Variants in RNMT observed in about 807,000 individuals in gnomAD.
RNMT encodes mRNA cap guanine-N(7) methyltransferase.
Under a neutral mutation model 56.0 loss-of-function variants are expected in RNMT, and 27 were observed. The ratio of observed to expected loss-of-function variants is 0.48; its 90% confidence interval spans 0.36 to 0.67. The LOEUF (loss-of-function observed/expected upper bound fraction) is 0.67. RNMT is among the 30% of genes least tolerant of loss of function. The pLI is 0.00. For synonymous variants in RNMT, 184 were observed against 176.2 expected, an observed-to-expected ratio of 1.04 and a Z score of -0.35; for missense variants, 519 against 552.1, an observed-to-expected ratio of 0.94 and a Z score of 0.60.
chr18:13,757,361 A>G (rs1389305027), intron 11 of RNMT, among the ~76,000 whole-genome samples: 1 of 152,172 alleles, frequency 6.6e-6, no homozygotes, highest in Non-Finnish European at 1.5e-5. Flanking sequence ...GCTGTTTGAT[A>G]GCGTTTTACC....
chr18:13,738,893 CG>C (rs550028714), intron 5 of RNMT, among the ~76,000 whole-genome samples: 9 of 152,088 alleles, frequency 5.9e-5, no homozygotes, highest in Admixed American at 2.0e-4. Context: ...TCCACAGAAG[CG>C]GGGGGATGGA....
Position 13,734,484 on chromosome 18 carries a change from C to G in RNMT, c.438C>G (p.Ser146Arg). Residue 146 changes from serine to arginine, a missense_variant, in exon 4 of 12, where the codon AGC becomes AGG. Physicochemically the swap from Ser to Arg is moderately radical, Grantham distance 110. Coordinates refer to ENST00000383314, the MANE Select transcript of RNMT (RefSeq NM_003799.3). Reference protein sequence around the residue: ...EKQKNLEEGHSSTVAAHYNEL... With the variant: ...EKQKNLEEGHRSTVAAHYNEL... Reference sequence around the variant, plus strand: ...TTCAGAATCTGGAAGAAGGACACAGCTCAACAGTGGCTGCCCATTACAATG... The same window carrying G: ...TTCAGAATCTGGAAGAAGGACACAGGTCAACAGTGGCTGCCCATTACAATG... 6.2e-7 allele frequency: 1 copy of G among 1,612,582 alleles called. No homozygotes were observed. Among genetic ancestry groups the G allele is most frequent in the Non-Finnish European group, 8.5e-7 (1 of 1,179,466 alleles).
At position 13,731,686 on chromosome 18, in the gene RNMT, A is replaced by G. The variant is rs747492929; in HGVS notation, c.169A>G (p.Arg57Gly). ...TGTCTGTAGGCAAGTAGACATAGCA[A>G]GAAAGAGAAAAGAGTTTGAAGATGA... ...TSVCRQVDIA[R>G]KRKEFEDDLV... is the part of the protein sequence containing the mutation. The change falls in exon 3 of 12, where the codon AGA (arginine) becomes GGA (glycine). Residue 57 changes from arginine (R) to glycine (G), a missense_variant. Transcript: ENST00000383314. The G allele has an allele frequency of 1.2e-5, 19 of 1,613,934 alleles. No individual in the cohort carries two copies. The highest frequency in any genetic ancestry group is 1.7e-5 in the Admixed American group (1 of 59,970).
chr18:13,731,655 G>A lies in RNMT; in HGVS notation c.138G>A (p.Lys46=), dbSNP rs1478308874. ...TTASGTGLSE[K]TSVCRQVDIA... is the part of the protein sequence containing the mutation. The stretch of plus-strand genomic sequence containing the variant: ...CTTCTGGGACTGGGCTTTCTGAAAA[G>A]ACTTCTGTCTGTAGGCAAGTAGACA... The change falls in exon 3 of 12, where the codon AAG becomes AAA. Residue 46 remains lysine (K), a synonymous_variant. Transcript: ENST00000383314. 1.9e-6 allele frequency: 3 copies of A among 1,613,980 alleles called. No individual in the cohort carries two copies. In the African/African-American group the frequency reaches 4.0e-5, roughly 22 times the overall value.
rs1398550073 is a variant in RNMT, at chr18:13,741,535, A to G, written c.818A>G (p.Asp273Gly). ...SKELLIDKFR[D>G]PQMCFDICSC... ...GAACTTCTGATTGACAAATTTCGTG[A>G]CCCACAAATGTGTTTTGACATCTGC... The change falls in exon 7 of 12, where the codon GAC (aspartate) becomes GGC (glycine). Residue 273 changes from aspartate to glycine, a missense_variant. Physicochemically the swap from Asp to Gly is moderately conservative, Grantham distance 94 (BLOSUM62 -1). Transcript: ENST00000383314. The G allele has an allele frequency of 1.9e-6, 3 of 1,611,732 alleles. No individual in the cohort carries two copies. Among genetic ancestry groups the G allele is most frequent in the Non-Finnish European group, 2.5e-6 (3 of 1,179,128 alleles).
At chr18:13,752,200 G>T in intron 9 of RNMT, 126 bp from the exon 10 acceptor site, 2 of 620,552 alleles carry the variant, frequency 3.2e-6, no homozygotes, top group South Asian at 4.5e-5. Context: ...AGTATGTATA[G>T]TTTGTATTCC....
rs2044637166 is a variant in RNMT at position 13,762,872 on chromosome 18, TTTGGCTAC to T, written c.*2897_*2904del. 1 of 314,492 alleles carries T rather than the reference TTTGGCTAC, an allele frequency of 3.2e-6. No homozygotes were observed. Among genetic ancestry groups the T allele is most frequent in the Non-Finnish European group, 6.4e-6 (1 of 156,254 alleles). 19.5% of individuals were successfully genotyped at this position (314,492 alleles called of 1,614,324 possible). A position where few individuals can be genotyped will look rare whatever the true frequency, so the allele number is the denominator to read the frequency against. The stretch of plus-strand genomic sequence containing the variant: ...TCTTCAAGTATCTTTGTAATGAAGG[TTTGGCTAC>T]TTGTATAGGTCTGCCTGCAGGGTGA... On this transcript the variant is annotated 3_prime_UTR_variant, in exon 12 of 12. Coordinates refer to ENST00000383314, the MANE Select transcript of RNMT (RefSeq NM_003799.3).
chr18:13,758,882 T>C (rs1392536661), intron 11 of RNMT, among the ~76,000 whole-genome samples: 1 of 152,104 alleles, frequency 6.6e-6, no homozygotes, highest in African/African-American at 2.4e-5. Context: ...GAGACCATTG[T>C]AGGATTATTA....
At chr18:13,744,291 G>A (rs962570008) in intron 8 of RNMT, among the ~76,000 whole-genome samples, 1 of 150,780 alleles carries the variant, frequency 6.6e-6, no homozygotes, top group Non-Finnish European at 1.5e-5. Flanking sequence ...ATCTGAAAAT[G>A]TGTGGGGGTT....
chr18:13,733,191 A>G (rs966140453), intron 3 of RNMT, among the ~76,000 whole-genome samples: 1 of 152,198 alleles, frequency 6.6e-6, no homozygotes, highest in African/African-American at 2.4e-5. Flanking sequence ...CTTTCAGCAC[A>G]TCAGTGAGAT....
In RNMT at chr18:13,760,902, A is replaced by G. The variant is rs2044610949; in HGVS notation, c.*923A>G. 1.0e-6 allele frequency: 1 copy of G among 985,344 alleles called. No homozygotes were observed. The allele number at this position is 985,344 out of a possible 1,614,324, so 61.0% of individuals were successfully genotyped here. A position where few individuals can be genotyped will look rare whatever the true frequency, so the allele number is the denominator to read the frequency against. On this transcript the variant is annotated 3_prime_UTR_variant, in exon 12 of 12. Transcript: ENST00000383314. ...CTCAGCACTTTGCACCGTAGGAGCC[A>G]TTGTTAAAGTTGTCACTTGTGTAAC...
In RNMT at chr18:13,760,486, A is replaced by G. The variant is rs2044606259; in HGVS notation, c.*507A>G. On this transcript the variant is annotated 3_prime_UTR_variant, in exon 12 of 12. Transcript: ENST00000383314. ...GCTGAAGTTATAAGTTTAAAACTCA[A>G]TTTCAGATGCTCATAAAAGTTACTT... The G allele has an allele frequency of 1.0e-6, 1 of 985,546 alleles. No homozygotes were observed. Among genetic ancestry groups the G allele is most frequent in the South Asian group, 4.7e-5 (1 of 21,280 alleles). 61.1% of individuals were successfully genotyped at this position (985,546 alleles called of 1,614,324 possible).
rs2044645981 is a variant in RNMT, at chr18:13,763,689, T to A, written c.*3710T>A. ...TTTTAATGATGAGGAAACTGAGTCATAGAGGATACAGACTTGCCCAAAGGA... is the reference window on the plus strand; with the variant it reads ...TTTTAATGATGAGGAAACTGAGTCAAAGAGGATACAGACTTGCCCAAAGGA... On this transcript the variant is annotated 3_prime_UTR_variant, in exon 12 of 12. Coordinates refer to ENST00000383314, the MANE Select transcript of RNMT (RefSeq NM_003799.3). The A allele has an allele frequency of 6.5e-6, 1 of 153,252 alleles. No individual in the cohort carries two copies. Among genetic ancestry groups the A allele is most frequent in the African/African-American group, 2.4e-5 (1 of 41,462 alleles). The allele number at this position is 153,252 out of a possible 1,614,324, so 9.5% of individuals were successfully genotyped here. A position where few individuals can be genotyped will look rare whatever the true frequency, so the allele number is the denominator to read the frequency against.
chr18:13,749,060 C>A (rs78983431), intron 9 of RNMT, among the ~76,000 whole-genome samples: 1 of 152,018 alleles, frequency 6.6e-6, no homozygotes, highest in African/African-American at 2.4e-5. Context: ...GCCTGGGTGA[C>A]GAAACTGAAA....
At chr18:13,742,689 G>T in intron 8 of RNMT, 37 bp downstream of exon 8, 2 of 1,479,212 alleles carry the variant, frequency 1.4e-6, no homozygotes, top group Non-Finnish European at 1.8e-6. Flanking sequence ...TTTTCTTTTT[G>T]TCTTAAGGGA....
Position 13,732,762 on chromosome 18 carries a change from T to TTTTTTTTC in RNMT, c.417+828_417+829insTTTTTTTC, listed in dbSNP as rs142277511. Among the ~76,000 whole-genome samples the TTTTTTTTC allele has an allele frequency of 4.1e-5, 4 of 98,680 alleles. 1 individual carries two copies. The highest frequency in any genetic ancestry group is 1.9e-5 in the Non-Finnish European group (1 of 53,222). The allele number at this position is 98,680 out of a possible 152,430, so 64.7% of individuals were successfully genotyped here. A position where few individuals can be genotyped will look rare whatever the true frequency, so the allele number is the denominator to read the frequency against. On this transcript the variant is annotated intron_variant, in intron 3 of 11. Transcript: ENST00000383314. ...CCCCCCTTTTTTTTTTTTTTTTTTT[T>TTTTTTTTC]GGAGACAGAGTCTCACTCTGTCTCC...
rs1268327133 is a variant in RNMT at position 13,741,615 on chromosome 18, A to C, written c.898A>C (p.Met300Leu). 6.2e-7 allele frequency: 1 copy of C among 1,614,002 alleles called. No homozygotes were observed. The highest frequency in any genetic ancestry group is 8.5e-7 in the Non-Finnish European group (1 of 1,179,888). Reference sequence around the variant, plus strand: ...TGAGTCTTATGAGCAGGCTGACATGATGCTGAGAAATGCGTGTGAGAGACT... The same window carrying C: ...TGAGTCTTATGAGCAGGCTGACATGCTGCTGAGAAATGCGTGTGAGAGACT... The part of the protein sequence containing the change: ...SFESYEQADM[M>L]LRNACERLSP... The change falls in exon 7 of 12, where the codon ATG becomes CTG. Residue 300 changes from methionine (M) to leucine (L), a missense_variant. Met to Leu is a conservative substitution (Grantham distance 15). Coordinates refer to ENST00000383314, the MANE Select transcript of RNMT (RefSeq NM_003799.3).
intron 5 of RNMT, among the ~76,000 whole-genome samples, chr18:13,737,516 C>G (rs2149088393): frequency 6.6e-6 from 1 of 151,770 alleles, no homozygotes; most frequent in South Asian, 2.1e-4. Context: ...GCACACCAGC[C>G]TGAGTGACAG....
chr18:13,748,990 A>G (rs1224425206), intron 9 of RNMT, among the ~76,000 whole-genome samples: 2 of 152,162 alleles, frequency 1.3e-5, no homozygotes, highest in South Asian at 2.1e-4. Context: ...GAGGCAGGAG[A>G]ATCACTTGAA....
Sources: gnomAD v4.1 joint callset for allele counts (sites outside exome capture counted in the v4.1 genomes callset) on GRCh38, gnomAD v4.1.1 for gene constraint, MANE v1.5 for transcripts, NCBI Gene and HGNC (gene_info 2026-07-23, HGNC 2026-07-21) for gene names.